The following GRIA3 variants were observed in gnomAD, a reference collection of about 807,000 sequenced individuals.
GRIA3 encodes glutamate receptor 3.
GRIA3 carries 3 observed loss-of-function variants against 63.0 expected under a neutral mutation model. The observed-to-expected ratio is 0.05, with a 90% CI of 0.02 to 0.12. The LOEUF is 0.12. Among genes scored for constraint, GRIA3 ranks in the 10% least tolerant of loss-of-function variants. The pLI is 1.00. For missense variants in GRIA3, 347 were observed against 700.9 expected, an observed-to-expected ratio of 0.50 and a Z score of 5.70; for synonymous variants, 274 against 257.9, an observed-to-expected ratio of 1.06 and a Z score of -0.60.
chrX:123,373,291 G>A (rs1227448638), intron 5 of GRIA3, among the ~76,000 whole-genome samples: 1 of 111,547 alleles, frequency 9.0e-6, no homozygotes, highest in Non-Finnish European at 1.9e-5. Flanking sequence ...TTGGTTCCAA[G>A]TCTTTGCTAC....
At chrX:123,274,227 T>C (rs192004386) in intron 3 of GRIA3, among the ~76,000 whole-genome samples, 1 of 112,527 alleles carries the variant, frequency 8.9e-6, no homozygotes, top group Non-Finnish European at 1.9e-5. Flanking sequence ...AAATTCAAAT[T>C]TACTGTGTTT....
intron 3 of GRIA3, among the ~76,000 whole-genome samples, chrX:123,288,617 G>C (rs759872521): frequency 7.2e-4 from 80 of 111,249 alleles, no homozygotes; most frequent in African/African-American, 2.6e-3. Context: ...GATATGAACA[G>C]ACACTTATCA....
chrX:123,224,952 A>G (rs1471895124), intron 2 of GRIA3, among the ~76,000 whole-genome samples: 1 of 111,645 alleles, frequency 9.0e-6, no homozygotes, highest in Non-Finnish European at 1.9e-5. Flanking sequence ...CCTGTGTAAA[A>G]TCTCCAGGCA....
At chrX:123,425,900 A>G (rs2045587126) in intron 11 of GRIA3, among the ~76,000 whole-genome samples, 2 of 112,057 alleles carry the variant, frequency 1.8e-5, no homozygotes, top group Admixed American at 1.9e-4. Flanking sequence ...ACCTGCCAAA[A>G]TTATTCAGAG....
At chrX:123,263,776 T>C (rs1317016623) in intron 3 of GRIA3, among the ~76,000 whole-genome samples, 1 of 112,545 alleles carries the variant, frequency 8.9e-6, no homozygotes, top group Non-Finnish European at 1.9e-5. Flanking sequence ...AGATAACAAT[T>C]AATAGTGAGG....
chrX:123,269,106 G>T (rs770532156), intron 3 of GRIA3, among the ~76,000 whole-genome samples: 2 of 112,064 alleles, frequency 1.8e-5, no homozygotes, highest in East Asian at 5.6e-4. Context: ...CCACCCAGGA[G>T]AATGCAGTCA....
rs143678786 is a variant in GRIA3 at position 123,479,077 on chromosome X, T to C, written c.2325-986T>C. 5.1e-4 allele frequency among the ~76,000 whole-genome samples: 58 copies of C among 113,212 alleles called. 2 individuals are homozygous for C. The highest frequency in any genetic ancestry group is 1.8e-3 in the African/African-American group (55 of 31,257). ...TGGCTCTGAATGCAGTCCTTATGTT[T>C]TAAGCAGTGAAGGACTAAGGAGCAG... On this transcript the variant is annotated intron_variant, in intron 13 of 15. Coordinates refer to ENST00000620443, the MANE Select transcript of GRIA3 (RefSeq NM_007325.5).
At chrX:123,234,502 C>A (rs2044292310) in intron 2 of GRIA3, among the ~76,000 whole-genome samples, 1 of 111,748 alleles carries the variant, frequency 8.9e-6, no homozygotes, top group Non-Finnish European at 1.9e-5. Flanking sequence ...TCAGGATGGG[C>A]CAGTTCAGAG....
intron 4 of GRIA3, among the ~76,000 whole-genome samples, chrX:123,345,412 T>C (rs1391612582): frequency 9.7e-6 from 1 of 102,850 alleles, no homozygotes; most frequent in Non-Finnish European, 2.0e-5. Flanking sequence ...TGTGCTCCTT[T>C]GTCTCTGAGT....
chrX:123,222,749 G>A (rs146633258), intron 2 of GRIA3, among the ~76,000 whole-genome samples: 3,056 of 111,577 alleles, frequency 0.027, 96 homozygotes, highest in African/African-American at 0.092. Context: ...AAACCACTGG[G>A]CTAGATGATC....
At chrX:123,229,837 G>C (rs1488560925) in intron 2 of GRIA3, among the ~76,000 whole-genome samples, 3 of 109,975 alleles carry the variant, frequency 2.7e-5, no homozygotes, top group Non-Finnish European at 5.7e-5. Context: ...GACCTGAATT[G>C]AGATAACATA....
At position 123,184,604 on chromosome X, in the gene GRIA3, G is replaced by C. The variant is rs759740734; in HGVS notation, c.69G>C (p.Leu23Phe). 3 of 1,205,604 alleles carry C rather than the reference G, an allele frequency of 2.5e-6. No homozygotes were observed. In the African/African-American group the frequency reaches 5.3e-5, roughly 21 times the overall value. The change falls in exon 1 of 16, where the codon TTG becomes TTC. Residue 23 changes from leucine (L) to phenylalanine (F), a missense_variant. By Grantham distance (22) the Leu-to-Phe change is conservative. This residue lies in a region of GRIA3 where 36 missense variants were observed against 28.2 expected (regional missense o/e 1.28). Coordinates refer to ENST00000620443, the MANE Select transcript of GRIA3 (RefSeq NM_007325.5). ...RAVFFLVLGLLGHSHGGFPNT... is the reference protein window; with the variant it reads ...RAVFFLVLGLFGHSHGGFPNT... ...TCTTCTTTTTAGTCCTGGGGCTTTT[G>C]GGTCATTCTCACGGAGGATTCCCCA... is the stretch of plus-strand genomic sequence containing the variant.
At chrX:123,331,979 T>A (rs1033542472) in intron 4 of GRIA3, among the ~76,000 whole-genome samples, 1 of 111,623 alleles carries the variant, frequency 9.0e-6, no homozygotes, top group Non-Finnish European at 1.9e-5. Context: ...CCATAGCTAT[T>A]TGCTCATGAG....
intron 3 of GRIA3, among the ~76,000 whole-genome samples, chrX:123,286,658 A>G (rs958815218): frequency 8.9e-6 from 1 of 111,772 alleles, no homozygotes; most frequent in African/African-American, 3.3e-5. Context: ...AAACCAGAAA[A>G]TCTAGATGAA....
intron 2 of GRIA3, among the ~76,000 whole-genome samples, chrX:123,191,359 T>A (rs1215843718): frequency 9.0e-6 from 1 of 111,721 alleles, no homozygotes; most frequent in Non-Finnish European, 1.9e-5. Context: ...CTGTGGGAGT[T>A]GTGCAGACAC....
chrX:123,407,910 G>A (rs1436660481), intron 10 of GRIA3, among the ~76,000 whole-genome samples: 1 of 110,974 alleles, frequency 9.0e-6, no homozygotes, highest in Non-Finnish European at 1.9e-5. Flanking sequence ...AGAGTGTTTG[G>A]CAACAACAGC....
chrX:123,463,618 AAGAAAGAAAGAAAGAAAGAAAGAAAG>A (rs2045810293), intron 12 of GRIA3, among the ~76,000 whole-genome samples: 1 of 18,193 alleles, frequency 5.5e-5, no homozygotes, highest in Non-Finnish European at 8.8e-5. Flanking sequence ...GAGGGAAAGA[AAGAAAGAAAGAAAGAAAGAAAGAAAG>A]AAAGAAAGAA....
At chrX:123,206,426 C>T (rs907597666) in intron 2 of GRIA3, among the ~76,000 whole-genome samples, 1 of 112,058 alleles carries the variant, frequency 8.9e-6, no homozygotes, top group Non-Finnish European at 1.9e-5. Flanking sequence ...GCGAGATGCT[C>T]GGCAGATGGC....
chrX:123,200,511 C>T (rs1404679235), intron 2 of GRIA3, among the ~76,000 whole-genome samples: 1 of 106,822 alleles, frequency 9.4e-6, no homozygotes, highest in Admixed American at 1.0e-4. Context: ...CATATAAAAC[C>T]ATTACCTTAT....
Sources: gnomAD v4.1 joint callset for allele counts (sites outside exome capture counted in the v4.1 genomes callset) on GRCh38, gnomAD v4.1.1 for gene constraint, gnomAD v4.1.1 regional missense constraint, MANE v1.5 for transcripts, NCBI Gene and HGNC (gene_info 2026-07-23, HGNC 2026-07-21) for gene names.